Variants in DSCAM observed in about 807,000 individuals in gnomAD.
DSCAM encodes the protein DS cell adhesion molecule.
A neutral mutation model predicts 217.7 loss-of-function variants in DSCAM; 47 were observed. The observed-to-expected ratio is 0.22, with a 90% CI of 0.17 to 0.28. DSCAM has a LOEUF of 0.28. Ranked by LOEUF, DSCAM falls within the 10% of genes least tolerant of loss-of-function variation. The pLI is 1.00. For missense variants in DSCAM, 2,080 were observed against 2,618.3 expected (o/e 0.79, Z 4.49); for synonymous variants, 1,056 against 1,015.3 (o/e 1.04, Z -0.76).
chr21:40,206,684 GC>G (rs111401546), intron 11 of DSCAM, among the ~76,000 whole-genome samples: 14,348 of 139,348 alleles, frequency 0.1, 1,634 homozygotes, highest in African/African-American at 0.28. Context: ...CCTGGGATTT[GC>G]CAAAAAAAAA....
At chr21:40,437,102 C>T (rs1249459345) in intron 3 of DSCAM, among the ~76,000 whole-genome samples, 1 of 152,096 alleles carries the variant, frequency 6.6e-6, no homozygotes, top group African/African-American at 2.4e-5. Context: ...GGTAGGAATT[C>T]ACTTTCAGGA....
intron 30 of DSCAM, among the ~76,000 whole-genome samples, chr21:40,049,038 A>G (rs1250636354): frequency 6.6e-6 from 1 of 152,222 alleles, no homozygotes; most frequent in Non-Finnish European, 1.5e-5. Context: ...TAATACGCTC[A>G]ATTTGGAGAG....
intron 1 of DSCAM, among the ~76,000 whole-genome samples, chr21:40,773,983 A>C (rs1448755690): frequency 6.6e-6 from 1 of 152,144 alleles, no homozygotes; most frequent in Non-Finnish European, 1.5e-5. Context: ...ACCCTGAAAA[A>C]GGAAGATATT....
chr21:40,401,618 G>C (rs190924575), intron 3 of DSCAM, among the ~76,000 whole-genome samples: 1 of 152,326 alleles, frequency 6.6e-6, no homozygotes. Context: ...ACCATCAAGC[G>C]TGCAGGGACC....
chr21:40,796,564 G>A (rs1427850171), intron 1 of DSCAM, among the ~76,000 whole-genome samples: 2 of 152,120 alleles, frequency 1.3e-5, no homozygotes, highest in South Asian at 2.1e-4. Flanking sequence ...GCACTATTAT[G>A]AGACAAGGTT....
chr21:40,428,234 TTGTGTGTGTGTGTGTGTGTGTG>T (rs71186936), intron 3 of DSCAM, among the ~76,000 whole-genome samples: 185 of 129,352 alleles, frequency 1.4e-3, no homozygotes, highest in Middle Eastern at 3.9e-3. Context: ...GGCAAATACT[TTGTGTGTGTGTGTGTGTGTGTG>T]TGTGTGTGTG....
At chr21:40,321,942 G>A (rs772201331) in intron 8 of DSCAM, among the ~76,000 whole-genome samples, 1 of 152,106 alleles carries the variant, frequency 6.6e-6, no homozygotes, top group Non-Finnish European at 1.5e-5. Context: ...TTCTGCTTTT[G>A]GAAACCGTTT....
chr21:40,122,067 A>G (rs1280416739), intron 20 of DSCAM, among the ~76,000 whole-genome samples: 3 of 152,138 alleles, frequency 2.0e-5, no homozygotes, highest in Non-Finnish European at 2.9e-5. Flanking sequence ...CTGTGGGTGA[A>G]GAGACAGGAG....
At chr21:40,662,191 T>C (rs949320367) in intron 3 of DSCAM, among the ~76,000 whole-genome samples, 1 of 152,216 alleles carries the variant, frequency 6.6e-6, no homozygotes. Flanking sequence ...TTTATAAGCA[T>C]TGATGATTAT....
intron 11 of DSCAM, among the ~76,000 whole-genome samples, chr21:40,232,000 A>T (rs539060443): frequency 6.6e-6 from 1 of 152,360 alleles, no homozygotes; most frequent in South Asian, 2.1e-4. Context: ...TTTATCTTAC[A>T]TTCTAGGAAT....
intron 3 of DSCAM, among the ~76,000 whole-genome samples, chr21:40,581,220 CA>C (rs1387366350): frequency 6.6e-6 from 1 of 152,174 alleles, no homozygotes. Flanking sequence ...GCTGCAGCCT[CA>C]AGGAGGTGGC....
intron 3 of DSCAM, among the ~76,000 whole-genome samples, chr21:40,590,567 T>C (rs909038538): frequency 4.6e-5 from 7 of 152,226 alleles, no homozygotes; most frequent in African/African-American, 1.7e-4. Context: ...GGATTTTGTA[T>C]AGTGCTGGTG....
intron 3 of DSCAM, among the ~76,000 whole-genome samples, chr21:40,570,643 G>A (rs1162490036): frequency 3.9e-5 from 6 of 152,172 alleles, no homozygotes; most frequent in Admixed American, 3.9e-4. Context: ...GGAAAATACT[G>A]ACACGTGTGA....
rs9636644 is a variant in DSCAM at position 40,662,599 on chromosome 21, T to C, written c.508+30211A>G. ...AAGGCAATTAATGAGAATGGAAGTG[T>C]TAGGGGCTGGATGTTTGTGTCCCCT... is the stretch of plus-strand genomic sequence containing the variant. On this transcript the variant is annotated intron_variant, in intron 3 of 32. Transcript: ENST00000400454. Among the ~76,000 whole-genome samples, 8 of 152,176 alleles carry C rather than the reference T, an allele frequency of 5.3e-5. No individual in the cohort carries two copies. In the South Asian group the frequency reaches 1.0e-3, roughly 20 times the overall value.
At chr21:40,778,723 C>T (rs1267590290) in intron 1 of DSCAM, among the ~76,000 whole-genome samples, 3 of 151,878 alleles carry the variant, frequency 2.0e-5, no homozygotes, top group Admixed American at 1.3e-4. Context: ...TTCAGTATAT[C>T]AAAAATCATA....
chr21:40,194,493 G>A (rs552346838), intron 11 of DSCAM, among the ~76,000 whole-genome samples: 6 of 152,136 alleles, frequency 3.9e-5, no homozygotes, highest in Non-Finnish European at 8.8e-5. Flanking sequence ...GAGAGGCTGT[G>A]GGCAAACCCT....
chr21:40,492,331 C>T (rs976333751), intron 3 of DSCAM, among the ~76,000 whole-genome samples: 10 of 152,124 alleles, frequency 6.6e-5, no homozygotes, highest in Non-Finnish European at 1.5e-4. Context: ...TAATTGAGAA[C>T]AGGCTGACTT....
chr21:40,288,818 C>T (rs555215649), intron 10 of DSCAM, among the ~76,000 whole-genome samples: 29 of 152,252 alleles, frequency 1.9e-4, no homozygotes, highest in African/African-American at 6.5e-4. Context: ...TAAATCATCA[C>T]ATTTATCCCC....
At chr21:40,025,706 TTGG>T (rs1194229136) in intron 32 of DSCAM, among the ~76,000 whole-genome samples, 1 of 151,158 alleles carries the variant, frequency 6.6e-6, no homozygotes, top group African/African-American at 2.4e-5. Flanking sequence ...TTCTGTGGGA[TTGG>T]TGGTGATGTC....
Sources: allele counts gnomAD v4.1 joint callset (sites outside exome capture counted in the v4.1 genomes callset), GRCh38; gene constraint gnomAD v4.1.1; transcripts MANE v1.5; gene names NCBI Gene and HGNC (gene_info 2026-07-23, HGNC 2026-07-21).